The following GLB1L3 variants were observed in gnomAD, a reference collection of about 807,000 sequenced individuals.
GLB1L3 encodes the protein beta-galactosidase-1-like protein 3.
GLB1L3 carries 89 observed loss-of-function variants against 89.5 expected under a neutral mutation model. That is an observed-to-expected ratio of 0.99 (90% CI 0.84 to 1.19). GLB1L3 has a LOEUF of 1.19. Ranked by LOEUF, GLB1L3 falls within the 50% of genes most tolerant of loss-of-function variation. The probability of loss-of-function intolerance (pLI) is 0.00; values close to 1 mark genes in which losing one functional copy is unlikely to be tolerated. For missense variants in GLB1L3, 812 were observed against 813.3 expected, an observed-to-expected ratio of 1.00 and a Z score of 0.02; for synonymous variants, 314 against 312.3, an observed-to-expected ratio of 1.01 and a Z score of -0.06.
chr11:134,312,763 T>C (rs967753778), intron 14 of GLB1L3, 53 bp from the exon 15 acceptor site: 3 of 1,466,058 alleles, frequency 2.0e-6, no homozygotes, highest in Admixed American at 1.8e-5. Flanking sequence ...CGGCCTCTCT[T>C]CTCCCTTTCT....
chr11:134,293,480 T>C (rs1311134777), intron 9 of GLB1L3, among the ~76,000 whole-genome samples: 1 of 152,094 alleles, frequency 6.6e-6, no homozygotes, highest in African/African-American at 2.4e-5. Flanking sequence ...AATGTTCCCT[T>C]TCCCCTGTGA....
chr11:134,320,459 A>G (rs1380880394), downstream of GLB1L3, among the ~76,000 whole-genome samples: 1 of 152,184 alleles, frequency 6.6e-6, no homozygotes, highest in Admixed American at 6.5e-5. Context: ...TACATATTAT[A>G]TTTCAGGTGT....
chr11:134,313,728 G>GAAA (rs1942855021), intron 16 of GLB1L3, among the ~76,000 whole-genome samples: 1 of 152,236 alleles, frequency 6.6e-6, no homozygotes, highest in Admixed American at 6.5e-5. Flanking sequence ...GGAATTTCAG[G>GAAA]AAAAGTTCCA....
chr11:134,312,201 A>G (rs1264088070), intron 13 of GLB1L3, 148 bp from the exon 14 acceptor site: 8 of 828,518 alleles, frequency 9.7e-6, no homozygotes, highest in Non-Finnish European at 1.3e-5. Flanking sequence ...ACGTAAGCAC[A>G]GAGCAGTGTC....
At chr11:134,305,356 TC>T (rs1163164907) in intron 9 of GLB1L3, 2 of 477,194 alleles carry the variant, frequency 4.2e-6, no homozygotes. Context: ...TGTTAGTCTT[TC>T]CTAAAATCTT....
intron 5 of GLB1L3, among the ~76,000 whole-genome samples, chr11:134,282,697 T>C (rs546073179): frequency 8.5e-5 from 13 of 152,206 alleles, no homozygotes; most frequent in African/African-American, 2.9e-4. Flanking sequence ...CTGCTGAGGG[T>C]CAGGGTGAGA....
chr11:134,312,976 A>C (rs1591591598), intron 15 of GLB1L3, 89 bp downstream of exon 15: 2 of 908,210 alleles, frequency 2.2e-6, no homozygotes, highest in South Asian at 1.4e-5. Flanking sequence ...TCCCTTCTCC[A>C]CCCCTGCTGC....
chr11:134,283,217 C>A (rs971814987), intron 5 of GLB1L3, among the ~76,000 whole-genome samples: 1 of 152,136 alleles, frequency 6.6e-6, no homozygotes, highest in African/African-American at 2.4e-5. Context: ...CGCCCGCCAC[C>A]ACACCCGGCT....
chr11:134,281,374 T>C lies in GLB1L3; in HGVS notation c.363-3T>C, dbSNP rs1446138740. ...CATCATACTTCCCTCTCACCTCTTC[T>C]AGCTATGTTCCGTGGAACCTGCATG... On this transcript the variant is annotated splice_polypyrimidine_tract_variant and splice_region_variant and intron_variant, in intron 3 of 19. Transcript: ENST00000431683. 2 of 1,609,946 alleles carry C rather than the reference T, an allele frequency of 1.2e-6. No individual in the cohort carries two copies. The highest frequency in any genetic ancestry group is 1.7e-5 in the Admixed American group (1 of 59,892).
chr11:134,292,569 G>T, intron 8 of GLB1L3: 1 of 220,972 alleles, frequency 4.5e-6, no homozygotes, highest in Non-Finnish European at 9.1e-6. Context: ...GAAACCACAG[G>T]GAGAACCAGA....
chr11:134,278,033 A>C (rs1940476706), intron 3 of GLB1L3, 121 bp downstream of exon 3: 3 of 874,364 alleles, frequency 3.4e-6, no homozygotes, highest in African/African-American at 3.4e-5. Context: ...AGTCGTTTCC[A>C]GCACATACAT....
rs1259325227 is a variant in GLB1L3 at position 134,277,855 on chromosome 11, AGTACTGGAGGGACCGCCT to A, written c.307_324del (p.Tyr103_Leu108del). On this transcript the variant is annotated inframe_deletion, in exon 3 of 20. Coordinates refer to ENST00000431683, the MANE Select transcript of GLB1L3 (RefSeq NM_001080407.3). ...ATCCACTATTTCCGGGTGCCCAGGG[AGTACTGGAGGGACCGCCT>A]GCTGAAGCTGAAGGCCTGTGGCTTC... 2.5e-6 allele frequency: 4 copies of A among 1,613,900 alleles called. No individual in the cohort carries two copies. Among genetic ancestry groups the A allele is most frequent in the African/African-American group, 1.3e-5 (1 of 74,898 alleles).
At chr11:134,279,875 T>C (rs1040814147) in intron 3 of GLB1L3, among the ~76,000 whole-genome samples, 1 of 152,190 alleles carries the variant, frequency 6.6e-6, no homozygotes, top group Non-Finnish European at 1.5e-5. Flanking sequence ...TTCTGAGTTA[T>C]GTGTAATTTC....
At chr11:134,305,238 A>T in intron 9 of GLB1L3, 1 of 766,202 alleles carries the variant, frequency 1.3e-6, no homozygotes, top group Non-Finnish European at 2.3e-6. Flanking sequence ...GCACTGAATT[A>T]TGTAAAGTGC....
At chr11:134,278,052 T>TA (rs2136101941) in intron 3 of GLB1L3, 140 bp downstream of exon 3, 1 of 776,388 alleles carries the variant, frequency 1.3e-6, no homozygotes, top group African/African-American at 1.8e-5. Flanking sequence ...ATTTAATGCT[T>TA]AAGCGTCCAG....
At chr11:134,301,893 AT>A (rs897023822) in intron 9 of GLB1L3, among the ~76,000 whole-genome samples, 8 of 151,852 alleles carry the variant, frequency 5.3e-5, no homozygotes, top group Admixed American at 2.6e-4. Context: ...GAGTTTTTCT[AT>A]TTTTTTCCTT....
chr11:134,320,011 A>C (rs1380247924), downstream of GLB1L3, among the ~76,000 whole-genome samples: 2 of 152,092 alleles, frequency 1.3e-5, no homozygotes, highest in African/African-American at 4.8e-5. Flanking sequence ...CATTAGTGAG[A>C]TTAGCCACAC....
At chr11:134,280,536 T>C (rs1463807343) in intron 3 of GLB1L3, among the ~76,000 whole-genome samples, 1 of 152,230 alleles carries the variant, frequency 6.6e-6, no homozygotes, top group Non-Finnish European at 1.5e-5. Flanking sequence ...TTTCTTTGTT[T>C]CTTAGAGGGG....
Position 134,319,448 on chromosome 11 carries a change from G to C in GLB1L3, c.*506G>C, listed in dbSNP as rs1943123119. 1 of 152,396 alleles carries C rather than the reference G, an allele frequency of 6.6e-6. No homozygotes were observed. The highest frequency in any genetic ancestry group is 1.9e-4 in the East Asian group (1 of 5,202). 9.4% of individuals were successfully genotyped at this position (152,396 alleles called of 1,614,324 possible). A position where few individuals can be genotyped will look rare whatever the true frequency, so the allele number is the denominator to read the frequency against. ...GATGCCTATTTTTAGGCTTTAAAAAGTCTTCAAAATCTTTAATGACTGATT... is the reference window on the plus strand; with the variant it reads ...GATGCCTATTTTTAGGCTTTAAAAACTCTTCAAAATCTTTAATGACTGATT... On this transcript the variant is annotated 3_prime_UTR_variant, in exon 20 of 20. Coordinates refer to ENST00000431683, the MANE Select transcript of GLB1L3 (RefSeq NM_001080407.3).
Sources: allele counts gnomAD v4.1 joint callset (sites outside exome capture counted in the v4.1 genomes callset), GRCh38; gene constraint gnomAD v4.1.1; transcripts MANE v1.5; gene names NCBI Gene and HGNC (gene_info 2026-07-23, HGNC 2026-07-21).